ACBD6: variants seen among roughly 807,000 people sequenced by gnomAD.
ACBD6 encodes the protein acyl-CoA-binding domain-containing protein 6.
Under a neutral mutation model 37.2 loss-of-function variants are expected in ACBD6, and 28 were observed. The ratio of observed to expected loss-of-function variants is 0.75; its 90% CI spans 0.56 to 1.03. The LOEUF is 1.03. Among genes scored for constraint, ACBD6 ranks in the 50% least tolerant of loss-of-function variants. The pLI, the probability that ACBD6 is intolerant of heterozygous loss-of-function variation, is 0.00. For missense variants in ACBD6, 340 were observed against 337.4 expected, an observed-to-expected ratio of 1.01 and a Z score of -0.06; for synonymous variants, 113 against 126.8, an observed-to-expected ratio of 0.89 and a Z score of 0.73.
intron 7 of ACBD6, among the ~76,000 whole-genome samples, chr1:180,303,903 C>G (rs560142725): frequency 1.3e-4 from 20 of 150,914 alleles, no homozygotes; most frequent in African/African-American, 4.8e-4. Context: ...AGAAGCTTAT[C>G]CACCATGATT....
intron 7 of ACBD6, among the ~76,000 whole-genome samples, chr1:180,313,823 C>T (rs903390562): frequency 6.6e-6 from 1 of 152,102 alleles, no homozygotes; most frequent in Non-Finnish European, 1.5e-5. Context: ...CACCACTGCG[C>T]CCAACTCTAC....
At chr1:180,495,609 T>A (rs75982541) in intron 1 of ACBD6, 84 bp from the exon 2 acceptor site, 3 of 1,051,428 alleles carry the variant, frequency 2.9e-6, no homozygotes, top group East Asian at 4.7e-5. Flanking sequence ...TTATGTATAT[T>A]CAGTAACCAT....
At chr1:180,274,479 G>T in intron 10 of ACBD6, 2 of 1,613,998 alleles carry the variant, frequency 1.2e-6, no homozygotes, top group Non-Finnish European at 1.7e-6. Flanking sequence ...ATGGCTGGGG[G>T]ACCCACCTCT....
chr1:180,435,466 TG>T, intron 3 of ACBD6: 1 of 498,556 alleles, frequency 2.0e-6, no homozygotes, highest in South Asian at 2.4e-5. Context: ...TTAGCCAGGA[TG>T]GTCTCAATCT....
chr1:180,342,908 G>A (rs1652033484), intron 6 of ACBD6, among the ~76,000 whole-genome samples: 1 of 151,872 alleles, frequency 6.6e-6, no homozygotes, highest in Non-Finnish European at 1.5e-5. Context: ...GATTTAAATT[G>A]ATTGAATTTT....
intron 5 of ACBD6, among the ~76,000 whole-genome samples, chr1:180,405,848 T>C (rs778575254): frequency 1.3e-5 from 2 of 152,168 alleles, no homozygotes; most frequent in Non-Finnish European, 2.9e-5. Flanking sequence ...AAATATTTGG[T>C]ATGTGTGAAG....
chr1:180,294,189 C>T (rs2149279834), intron 7 of ACBD6, among the ~76,000 whole-genome samples: 1 of 152,286 alleles, frequency 6.6e-6, no homozygotes, highest in Admixed American at 6.5e-5. Context: ...GCCACCACAC[C>T]TGGCTTTCTA....
chr1:180,369,971 T>C (rs1028160207), intron 6 of ACBD6, among the ~76,000 whole-genome samples: 1 of 152,218 alleles, frequency 6.6e-6, no homozygotes, highest in African/African-American at 2.4e-5. Flanking sequence ...CTGAATTCTT[T>C]TTTTCTTTTC....
At chr1:180,289,563 C>T (rs1473834901) in intron 7 of ACBD6, among the ~76,000 whole-genome samples, 2 of 152,160 alleles carry the variant, frequency 1.3e-5, no homozygotes, top group African/African-American at 4.8e-5. Flanking sequence ...CACACATATA[C>T]CCTCCAACCT....
At chr1:180,393,429 G>C (rs1303887490) in intron 6 of ACBD6, among the ~76,000 whole-genome samples, 1 of 152,184 alleles carries the variant, frequency 6.6e-6, no homozygotes. Flanking sequence ...TTAGTCTTCA[G>C]ATAGCTGATA....
chr1:180,435,085 T>C, intron 3 of ACBD6: 1 of 786,530 alleles, frequency 1.3e-6, no homozygotes, highest in Non-Finnish European at 2.3e-6. Context: ...AAGCTTACCT[T>C]CAATTCATCC....
At chr1:180,319,742 A>C (rs542901414) in intron 6 of ACBD6, among the ~76,000 whole-genome samples, 1 of 152,246 alleles carries the variant, frequency 6.6e-6, no homozygotes, top group South Asian at 2.1e-4. Flanking sequence ...CCTACAAATA[A>C]ATGAGAATAT....
chr1:180,475,925 C>A (rs974564274), intron 3 of ACBD6, among the ~76,000 whole-genome samples: 6 of 152,098 alleles, frequency 3.9e-5, no homozygotes, highest in African/African-American at 1.2e-4. Flanking sequence ...CTTAAATCAA[C>A]AACATGGATT....
chr1:180,307,695 C>G (rs1404251323), intron 7 of ACBD6, among the ~76,000 whole-genome samples: 1 of 152,188 alleles, frequency 6.6e-6, no homozygotes, highest in African/African-American at 2.4e-5. Flanking sequence ...TGGCTCATGC[C>G]TGTAATCCCA....
intron 3 of ACBD6, among the ~76,000 whole-genome samples, chr1:180,470,773 T>C (rs1650534219): frequency 6.6e-6 from 1 of 152,228 alleles, no homozygotes; most frequent in Non-Finnish European, 1.5e-5. Flanking sequence ...CATTTCATCA[T>C]ATCCGGGCAT....
Position 180,397,575 on chromosome 1 carries a change from G to T in ACBD6, c.604C>A (p.Arg202=). 2 of 1,613,934 alleles carry T rather than the reference G, an allele frequency of 1.2e-6. No individual in the cohort carries two copies. Among genetic ancestry groups the T allele is most frequent in the South Asian group, 1.1e-5 (1 of 91,082 alleles). The change falls in exon 6 of 8, where the codon CGA becomes AGA. Residue 202 remains arginine, a synonymous_variant. Transcript: ENST00000367595. ...ACTGTGACTAGTTCCTTATGTCCTC[G>T]ATCACAGGCCCAGTGAAGTAGAGCC... is the stretch of plus-strand genomic sequence containing the variant. ...GRALLHWACD[R]GHKELVTVLL...
chr1:180,480,270 G>A (rs1452320089), intron 3 of ACBD6, among the ~76,000 whole-genome samples: 1 of 110,114 alleles, frequency 9.1e-6, no homozygotes, highest in Non-Finnish European at 2.4e-5. Context: ...GAGAATACAG[G>A]AGGCATTGCA....
exon 10 of ACBD6, chr1:180,274,685 C>A (rs1648920964): frequency 6.8e-6 from 9 of 1,324,024 alleles, no homozygotes; most frequent in Non-Finnish European, 9.2e-6. Context: ...ATGTGAATTT[C>A]CATTATTTTC....
intron 6 of ACBD6, among the ~76,000 whole-genome samples, chr1:180,389,896 A>ATAT: frequency 6.6e-6 from 1 of 151,964 alleles, no homozygotes; most frequent in African/African-American, 2.4e-5. Context: ...TAGATTCTGG[A>ATAT]TATTAGCCCT....
Sources: allele counts gnomAD v4.1 joint callset (sites outside exome capture counted in the v4.1 genomes callset), GRCh38; gene constraint gnomAD v4.1.1; transcripts MANE v1.5; gene names NCBI Gene and HGNC (gene_info 2026-07-23, HGNC 2026-07-21).